Variants in WDR59 observed in about 807,000 individuals in gnomAD.
The protein encoded by WDR59 is GATOR2 complex protein WDR59.
WDR59 carries 100 observed loss-of-function variants against 131.2 expected under a neutral mutation model. That is an observed-to-expected ratio of 0.76 (90% CI 0.65 to 0.90). The LOEUF is 0.90. Among genes scored for constraint, WDR59 ranks in the 40% least tolerant of loss-of-function variants. The pLI is 0.00. For missense variants in WDR59, 1,203 were observed against 1,262.2 expected (o/e 0.95, Z 0.71); for synonymous variants, 601 against 466.2 (o/e 1.29, Z -3.72).
chr16:74,977,583 G>A (rs931608162), intron 1 of WDR59, among the ~76,000 whole-genome samples: 1 of 152,148 alleles, frequency 6.6e-6, no homozygotes, highest in African/African-American at 2.4e-5. Flanking sequence ...AGCCACTCGG[G>A]AAGCTAAGGC....
At chr16:74,963,703 A>G (rs1352183103) in intron 2 of WDR59, among the ~76,000 whole-genome samples, 1 of 152,188 alleles carries the variant, frequency 6.6e-6, no homozygotes, top group Non-Finnish European at 1.5e-5. Flanking sequence ...TTACCTACGT[A>G]ACAAACCGGC....
Position 74,888,016 on chromosome 16 carries a change from G to A in WDR59, c.2346+153C>T, listed in dbSNP as rs77516449. Among the ~76,000 whole-genome samples, 18 of 152,006 alleles carry A rather than the reference G, an allele frequency of 1.2e-4. No homozygotes were observed. The East Asian group carries it at 3.5e-3, about 29-fold the overall frequency. ...GCCTGTAATCCCAGCTATTCAGGAGGCTGAGGCACGAGAATTGCTTGAACC... is the reference window on the plus strand; with the variant it reads ...GCCTGTAATCCCAGCTATTCAGGAGACTGAGGCACGAGAATTGCTTGAACC... On this transcript the variant is annotated intron_variant, in intron 22 of 25. Coordinates refer to ENST00000262144, the MANE Select transcript of WDR59 (RefSeq NM_030581.4).
intron 1 of WDR59, among the ~76,000 whole-genome samples, chr16:74,983,510 C>T (rs894954084): frequency 6.6e-6 from 1 of 152,002 alleles, no homozygotes; most frequent in African/African-American, 2.4e-5. Context: ...TGAAGAGAAT[C>T]ACCAAGACAC....
intron 1 of WDR59, among the ~76,000 whole-genome samples, chr16:74,972,904 C>T (rs189763933): frequency 2.7e-5 from 4 of 149,706 alleles, no homozygotes; most frequent in South Asian, 2.1e-4. Flanking sequence ...TAAAAGGGTC[C>T]GACCATTTCA....
intron 1 of WDR59, among the ~76,000 whole-genome samples, chr16:74,977,182 A>C (rs1597824439): frequency 6.6e-6 from 1 of 152,108 alleles, no homozygotes; most frequent in Non-Finnish European, 1.5e-5. Flanking sequence ...GAGGCAGTGC[A>C]CCATGATCGT....
At chr16:74,898,283 T>C (rs565169263) in intron 18 of WDR59, among the ~76,000 whole-genome samples, 2 of 152,252 alleles carry the variant, frequency 1.3e-5, no homozygotes, top group East Asian at 3.9e-4. Flanking sequence ...TCCTCCTGCA[T>C]TGCTCCAGTC....
At chr16:74,886,192 T>TAAAAAAAAAAA (rs1567687441) in intron 24 of WDR59, 78 bp downstream of exon 24, 1 of 1,152,286 alleles carries the variant, frequency 8.7e-7, no homozygotes, top group Non-Finnish European at 1.2e-6. Flanking sequence ...AAAAAAAAAG[T>TAAAAAAAAAAA]AAGAGTTGTG....
intron 23 of WDR59, among the ~76,000 whole-genome samples, chr16:74,887,305 A>G (rs975308765): frequency 2.0e-5 from 3 of 152,142 alleles, no homozygotes; most frequent in South Asian, 4.1e-4. Flanking sequence ...TTTATGATCA[A>G]CTGGAGTCAG....
chr16:74,976,270 T>C (rs1179350843), intron 1 of WDR59, among the ~76,000 whole-genome samples: 8 of 152,144 alleles, frequency 5.3e-5, no homozygotes, highest in Non-Finnish European at 1.2e-4. Flanking sequence ...TCAATCTTTA[T>C]CTTTGTGGCA....
chr16:74,917,465 G>C (rs1202194031), intron 11 of WDR59, among the ~76,000 whole-genome samples: 1 of 152,106 alleles, frequency 6.6e-6, no homozygotes, highest in Non-Finnish European at 1.5e-5. Flanking sequence ...AGACCTCAAA[G>C]CCTTGGTGTG....
chr16:74,955,959 GA>G lies in WDR59; in HGVS notation c.240+515del, dbSNP rs906933531. Among the ~76,000 whole-genome samples the G allele has an allele frequency of 6.0e-5, 9 of 149,206 alleles. No homozygotes were observed. In the South Asian group the frequency reaches 8.6e-4, roughly 14 times the overall value. On this transcript the variant is annotated intron_variant, in intron 3 of 25. Transcript: ENST00000262144. ...AAAACTTATACATGTTTTCCCTAGG[GA>G]AAAAAAAAATCACACATAAACAGGC...
At chr16:74,909,443 A>G (rs1311412223) in intron 16 of WDR59, 58 bp downstream of exon 16, 12 of 1,489,390 alleles carry the variant, frequency 8.1e-6, no homozygotes, top group African/African-American at 4.2e-5. Context: ...TACAGAATCT[A>G]TGACATTCTT....
intron 18 of WDR59, among the ~76,000 whole-genome samples, chr16:74,899,285 C>A (rs1033684040): frequency 2.6e-5 from 4 of 152,172 alleles, no homozygotes; most frequent in African/African-American, 9.7e-5. Flanking sequence ...TAGACCAGGA[C>A]TGTAAAAGCA....
At chr16:74,977,140 C>T (rs770614622) in intron 1 of WDR59, among the ~76,000 whole-genome samples, 17 of 151,730 alleles carry the variant, frequency 1.1e-4, no homozygotes, top group Non-Finnish European at 1.9e-4. Flanking sequence ...GGAGGCAGAA[C>T]CAGGAGGATC....
At chr16:74,935,047 G>T (rs1382777640) in intron 8 of WDR59, among the ~76,000 whole-genome samples, 2 of 152,038 alleles carry the variant, frequency 1.3e-5, no homozygotes, top group African/African-American at 4.8e-5. Flanking sequence ...TGGCAAACAT[G>T]GTGAAATTCC....
chr16:74,909,901 G>A lies in WDR59; in HGVS notation c.1406C>T (p.Ala469Val). Residue 469 changes from alanine (A) to valine (V), a missense_variant, in exon 15 of 26, where the codon GCC (alanine) becomes GTC (valine). Physicochemically the swap from Ala to Val is moderately conservative, Grantham distance 64. Transcript: ENST00000262144. ...CTGGCCACGCTTCACTTTCTGCAGG[G>A]CTGTGTCCTTCAGGATCTAGAAAAG... ...AKLLKILKDT[A>V]LQKVKRGQSC... 1.9e-6 allele frequency: 3 copies of A among 1,612,604 alleles called. No homozygotes were observed. Among genetic ancestry groups the A allele is most frequent in the Non-Finnish European group, 2.5e-6 (3 of 1,179,810 alleles).
At position 74,909,303 on chromosome 16, in the gene WDR59, C is replaced by A. The variant is rs113722229; in HGVS notation, c.1642+198G>T. ...CATCAGAATGAAGAAAGTTAAGACCCCCATTCTGGTGCACCCTCTTAGGAT... is the reference window on the plus strand; with the variant it reads ...CATCAGAATGAAGAAAGTTAAGACCACCATTCTGGTGCACCCTCTTAGGAT... On this transcript the variant is annotated intron_variant, in intron 16 of 25. Transcript: ENST00000262144. 2.1e-3 allele frequency among the ~76,000 whole-genome samples: 322 copies of A among 152,164 alleles called. 6 individuals carry two copies. In the South Asian group the frequency reaches 0.049, roughly 23 times the overall value.
intron 4 of WDR59, 60 bp downstream of exon 4, chr16:74,951,398 G>C: frequency 6.7e-7 from 1 of 1,494,724 alleles, no homozygotes; most frequent in South Asian, 1.2e-5. Flanking sequence ...TCATCATTTC[G>C]TTCCCAGGGG....
intron 1 of WDR59, among the ~76,000 whole-genome samples, chr16:74,966,269 C>A (rs2033771129): frequency 6.6e-6 from 1 of 152,218 alleles, no homozygotes; most frequent in African/African-American, 2.4e-5. Context: ...CACCTGAGGT[C>A]AGGAGTTCAA....
Sources: allele counts gnomAD v4.1 joint callset (sites outside exome capture counted in the v4.1 genomes callset), GRCh38; gene constraint gnomAD v4.1.1; transcripts MANE v1.5; gene names NCBI Gene and HGNC (gene_info 2026-07-23, HGNC 2026-07-21).